The following CCDC7 variants were observed in gnomAD, a reference collection of about 807,000 sequenced individuals.
CCDC7 encodes coiled-coil domain-containing protein 7.
Under a neutral mutation model 196.9 loss-of-function variants are expected in CCDC7, and 183 were observed. That is an observed-to-expected ratio of 0.93 (90% CI 0.82 to 1.05). The LOEUF is 1.05. Ranked by LOEUF, CCDC7 falls within the 50% of genes least tolerant of loss-of-function variation. The pLI, the probability that CCDC7 is intolerant of heterozygous loss-of-function variation, is 0.00. For missense variants in CCDC7, 1,540 were observed against 1,482.2 expected (o/e 1.04, Z -0.64); for synonymous variants, 525 against 484.6 (o/e 1.08, Z -1.10).
intron 24 of CCDC7, among the ~76,000 whole-genome samples, chr10:32,701,928 C>A (rs1244469548): frequency 6.6e-6 from 1 of 152,036 alleles, no homozygotes. Flanking sequence ...ATTAGTCTTG[C>A]TCTAGCGGTC....
chr10:32,753,878 C>A (rs1282748264), intron 28 of CCDC7, among the ~76,000 whole-genome samples: 1 of 151,908 alleles, frequency 6.6e-6, no homozygotes, highest in East Asian at 1.9e-4. Context: ...TTTATTTTTT[C>A]ATAAATTTCG....
intron 20 of CCDC7, among the ~76,000 whole-genome samples, chr10:32,647,590 A>T (rs2068005392): frequency 6.6e-6 from 1 of 152,092 alleles, no homozygotes; most frequent in Non-Finnish European, 1.5e-5. Context: ...ATAATTAGTG[A>T]TGCTGATCAT....
At chr10:32,480,006 A>T (rs1276411555) in intron 8 of CCDC7, among the ~76,000 whole-genome samples, 1 of 152,032 alleles carries the variant, frequency 6.6e-6, no homozygotes, top group Non-Finnish European at 1.5e-5. Context: ...AAATGTTCAC[A>T]GTAGTCTTTA....
rs1390980911 is a variant in CCDC7 at position 32,462,691 on chromosome 10, A to T, written c.465A>T (p.Glu155Asp). 5 of 1,451,702 alleles carry T rather than the reference A, an allele frequency of 3.4e-6. No individual in the cohort carries two copies. In the South Asian group the frequency reaches 5.1e-5, roughly 15 times the overall value. The allele number at this position is 1,451,702 out of a possible 1,614,324, so 89.9% of individuals were successfully genotyped here. ...AAAACTTTATTTTTCAGATTTTGGA[A>T]TCTCTTTTTAAGGTACGTTCAATAT... Residue 155 changes from glutamate to aspartate, a missense_variant, in exon 4 of 42, where the codon GAA (glutamate) becomes GAT (aspartate). Physicochemically the swap from Glu to Asp is conservative, Grantham distance 45 (BLOSUM62 2). Transcript: ENST00000639629.
At chr10:32,753,141 T>C (rs2075913269) in intron 28 of CCDC7, among the ~76,000 whole-genome samples, 2 of 152,142 alleles carry the variant, frequency 1.3e-5, no homozygotes, top group Admixed American at 1.3e-4. Context: ...TGAAGGTGGC[T>C]CAGATGATAG....
intron 11 of CCDC7, among the ~76,000 whole-genome samples, chr10:32,534,992 G>A (rs1386574042): frequency 6.6e-6 from 1 of 151,946 alleles, no homozygotes; most frequent in East Asian, 1.9e-4. Flanking sequence ...TTTTTGCAGT[G>A]TAGAAACTTG....
chr10:32,732,593 T>C (rs2084172082), intron 28 of CCDC7, among the ~76,000 whole-genome samples: 1 of 152,178 alleles, frequency 6.6e-6, no homozygotes, highest in South Asian at 2.1e-4. Flanking sequence ...AAAGCTTTTT[T>C]TTATATACAT....
intron 13 of CCDC7, among the ~76,000 whole-genome samples, chr10:32,562,008 G>C (rs2055771222): frequency 6.6e-6 from 1 of 152,160 alleles, no homozygotes; most frequent in African/African-American, 2.4e-5. Context: ...TACTATCAGA[G>C]AATACTACAA....
intron 41 of CCDC7, among the ~76,000 whole-genome samples, chr10:32,866,598 GA>G (rs1179450872): frequency 2.0e-5 from 3 of 151,380 alleles, no homozygotes; most frequent in African/African-American, 7.3e-5. Flanking sequence ...CTGCTCATAT[GA>G]AATTAAAAGA....
intron 18 of CCDC7, among the ~76,000 whole-genome samples, chr10:32,593,819 T>G (rs1300690561): frequency 6.6e-6 from 1 of 152,214 alleles, no homozygotes; most frequent in African/African-American, 2.4e-5. Context: ...CTTTCCCTAT[T>G]ACTTGTTGTT....
At chr10:32,487,383 CG>C (rs1347964243) in intron 8 of CCDC7, among the ~76,000 whole-genome samples, 1 of 152,134 alleles carries the variant, frequency 6.6e-6, no homozygotes, top group Non-Finnish European at 1.5e-5. Flanking sequence ...GTTAGCCATT[CG>C]TCTAATTGTT....
chr10:32,463,390 A>C (rs1460996726), intron 5 of CCDC7, among the ~76,000 whole-genome samples: 2 of 152,238 alleles, frequency 1.3e-5, no homozygotes, highest in Non-Finnish European at 2.9e-5. Flanking sequence ...CATATTTTAA[A>C]AAATCATGCT....
chr10:32,830,323 A>G (rs1200688899), intron 32 of CCDC7, among the ~76,000 whole-genome samples: 2 of 150,470 alleles, frequency 1.3e-5, no homozygotes, highest in African/African-American at 4.9e-5. Flanking sequence ...TAAACAAGAA[A>G]TCCATATGGA....
intron 28 of CCDC7, 50 bp downstream of exon 29, chr10:32,729,507 G>T: frequency 1.0e-6 from 1 of 955,528 alleles, no homozygotes; most frequent in Non-Finnish European, 1.5e-6. Context: ...AAATTCAGGA[G>T]AAATTTGTTT....
chr10:32,471,606 C>A (rs1335173307), intron 6 of CCDC7, among the ~76,000 whole-genome samples: 1 of 152,092 alleles, frequency 6.6e-6, no homozygotes, highest in Non-Finnish European at 1.5e-5. Flanking sequence ...AAATAGGAAA[C>A]TAAGATCTAA....
intron 40 of CCDC7, among the ~76,000 whole-genome samples, chr10:32,853,844 T>A (rs979337731): frequency 1.3e-5 from 2 of 152,184 alleles, no homozygotes; most frequent in African/African-American, 4.8e-5. Context: ...TTCTCTGACA[T>A]TTTTATCTAT....
chr10:32,627,107 A>G (rs997393066), intron 18 of CCDC7, among the ~76,000 whole-genome samples: 1 of 151,744 alleles, frequency 6.6e-6, no homozygotes, highest in Non-Finnish European at 1.5e-5. Flanking sequence ...TGGAATTTTA[A>G]TAGGATTGCG....
intron 21 of CCDC7, among the ~76,000 whole-genome samples, chr10:32,673,570 A>G (rs2074406998): frequency 6.6e-6 from 1 of 151,682 alleles, no homozygotes; most frequent in Admixed American, 6.6e-5. Flanking sequence ...GTTCGTTGTT[A>G]GTATATTAAA....
intron 24 of CCDC7, among the ~76,000 whole-genome samples, chr10:32,703,170 G>C (rs1399688242): frequency 6.6e-6 from 1 of 152,042 alleles, no homozygotes; most frequent in South Asian, 2.1e-4. Context: ...TCCTTTTCAT[G>C]TTTAGTGCTT....
Sources: gnomAD v4.1 joint callset for allele counts (sites outside exome capture counted in the v4.1 genomes callset) on GRCh38, gnomAD v4.1.1 for gene constraint, MANE v1.5 for transcripts, NCBI Gene and HGNC (gene_info 2026-07-23, HGNC 2026-07-21) for gene names.